Variants in DGKB observed in about 807,000 individuals in gnomAD.
DGKB encodes the protein diacylglycerol kinase beta, also known as 90 kDa diacylglycerol kinase.
In DGKB, 67 loss-of-function variants were observed where a neutral mutation model predicts 114.3. The ratio of observed to expected loss-of-function variants is 0.59; its 90% CI spans 0.48 to 0.72. DGKB has a LOEUF of 0.72. Ranked by LOEUF, DGKB falls within the 30% of genes least tolerant of loss-of-function variation. DGKB has a pLI of 0.00. For synonymous variants in DGKB, 398 were observed against 323.1 expected (o/e 1.23, Z -2.49); for missense variants, 907 against 975.2 (o/e 0.93, Z 0.93).
At chr7:14,668,443 A>G (rs375914782) in intron 13 of DGKB, among the ~76,000 whole-genome samples, 6 of 152,078 alleles carry the variant, frequency 3.9e-5, no homozygotes, top group Non-Finnish European at 7.4e-5. Flanking sequence ...AGTGATAACC[A>G]CTCGGGCTCC....
intron 23 of DGKB, among the ~76,000 whole-genome samples, chr7:14,212,670 A>G (rs1788314249): frequency 6.6e-6 from 1 of 152,106 alleles, no homozygotes; most frequent in Non-Finnish European, 1.5e-5. Flanking sequence ...TCAGTTTCCT[A>G]AACTTCAAGC....
chr7:14,808,178 G>A (rs1263817146), intron 2 of DGKB, among the ~76,000 whole-genome samples: 2 of 152,026 alleles, frequency 1.3e-5, no homozygotes, highest in Non-Finnish European at 2.9e-5. Flanking sequence ...TTTTGTAAGT[G>A]ATGTTTATAT....
intron 21 of DGKB, among the ~76,000 whole-genome samples, chr7:14,409,248 G>A (rs1379719564): frequency 1.3e-5 from 2 of 152,042 alleles, no homozygotes; most frequent in African/African-American, 4.8e-5. Context: ...CCTTTCTCTA[G>A]TAAATTCCGT....
rs183042736 is a variant in DGKB, at chr7:14,327,741, G to C, written c.2122+10774C>G. Among the ~76,000 whole-genome samples, 9 of 152,130 alleles carry C rather than the reference G, an allele frequency of 5.9e-5. No homozygotes were observed. In the East Asian group the frequency reaches 1.7e-3, roughly 29 times the overall value. ...CTGATACTGCACTCGTGGTGAGCTG[G>C]CCAGAGTGAGGTTGTGAAAAAAAGA... is the stretch of plus-strand genomic sequence containing the variant. On this transcript the variant is annotated intron_variant, in intron 23 of 25. Coordinates refer to ENST00000402815, the MANE Select transcript of DGKB (RefSeq NM_001350709.2).
chr7:14,931,788 C>T (rs1372469532), intron 1 of DGKB, among the ~76,000 whole-genome samples: 1 of 151,892 alleles, frequency 6.6e-6, no homozygotes, highest in Admixed American at 6.6e-5. Context: ...CACCACCTGG[C>T]TCAAGACTAA....
intron 2 of DGKB, among the ~76,000 whole-genome samples, chr7:14,790,530 G>A (rs943739414): frequency 2.0e-5 from 3 of 151,846 alleles, no homozygotes; most frequent in African/African-American, 7.3e-5. Context: ...TTTATTTAAT[G>A]GATGTTCAAT....
chr7:14,546,470 C>T (rs1290335329), intron 20 of DGKB, among the ~76,000 whole-genome samples: 5 of 152,162 alleles, frequency 3.3e-5, no homozygotes, highest in African/African-American at 4.8e-5. Context: ...GCTTCATGGG[C>T]ATGGAACTGG....
At chr7:14,565,871 T>G (rs1314948765) in intron 20 of DGKB, among the ~76,000 whole-genome samples, 1 of 152,146 alleles carries the variant, frequency 6.6e-6, no homozygotes, top group Non-Finnish European at 1.5e-5. Context: ...TATAGTAATT[T>G]TTTTAAAAAC....
intron 23 of DGKB, among the ~76,000 whole-genome samples, chr7:14,311,738 T>G (rs2128506959): frequency 1.3e-5 from 2 of 152,344 alleles, no homozygotes; most frequent in Admixed American, 1.3e-4. Flanking sequence ...TTTTTTAATC[T>G]TTATTGATTT....
At chr7:14,893,365 C>A (rs146220630) in intron 1 of DGKB, among the ~76,000 whole-genome samples, 1 of 151,400 alleles carries the variant, frequency 6.6e-6, no homozygotes. Context: ...TTTTCCTGGT[C>A]TTTAGAACAT....
intron 1 of DGKB, among the ~76,000 whole-genome samples, chr7:14,957,164 C>A (rs186494032): frequency 5.9e-5 from 9 of 151,938 alleles, no homozygotes; most frequent in Admixed American, 5.9e-4. Flanking sequence ...CATAAAAAAT[C>A]TTTAAAATGC....
rs571589892 is a variant in DGKB at position 14,331,396 on chromosome 7, G to A, written c.2122+7119C>T. Among the ~76,000 whole-genome samples the A allele has an allele frequency of 4.6e-5, 7 of 151,806 alleles. No homozygotes were observed. In the South Asian group the frequency reaches 8.3e-4, roughly 18 times the overall value. On this transcript the variant is annotated intron_variant, in intron 23 of 25. Coordinates refer to ENST00000402815, the MANE Select transcript of DGKB (RefSeq NM_001350709.2). ...ATGCTTGGAAATTCTTCTGCTTGCC[G>A]GTGTTTGAACGCCAAATACATCATC...
At chr7:14,538,855 A>G (rs1792964968) in intron 20 of DGKB, among the ~76,000 whole-genome samples, 1 of 152,250 alleles carries the variant, frequency 6.6e-6, no homozygotes, top group East Asian at 1.9e-4. Context: ...TGGACATTAT[A>G]CTAAGTGAAA....
chr7:14,217,218 G>A lies in DGKB; in HGVS notation c.2123-39067C>T, dbSNP rs552870160. Among the ~76,000 whole-genome samples, 221 of 144,018 alleles carry A rather than the reference G, an allele frequency of 1.5e-3. 1 individual carries two copies. The highest frequency in any genetic ancestry group is 5.3e-3 in the African/African-American group (213 of 40,494). 94.5% of individuals were successfully genotyped at this position (144,018 alleles called of 152,430 possible). On this transcript the variant is annotated intron_variant, in intron 23 of 25. Transcript: ENST00000402815. Reference sequence around the variant, plus strand: ...CCTATTTATTTATTAAAATTTTAAAGTGAGAATAATTCAGTTTTATCTATA... The same window carrying A: ...CCTATTTATTTATTAAAATTTTAAAATGAGAATAATTCAGTTTTATCTATA...
intron 23 of DGKB, among the ~76,000 whole-genome samples, chr7:14,223,502 T>A (rs1790314346): frequency 6.6e-6 from 1 of 151,790 alleles, no homozygotes; most frequent in African/African-American, 2.4e-5. Flanking sequence ...TAATTTTGTA[T>A]CTTTTACTGA....
intron 4 of DGKB, among the ~76,000 whole-genome samples, chr7:14,747,181 C>T (rs1833412306): frequency 2.1e-5 from 3 of 144,784 alleles, no homozygotes; most frequent in South Asian, 4.3e-4. Context: ...TGGGAAAACA[C>T]AAACCTCTTT....
intron 23 of DGKB, among the ~76,000 whole-genome samples, chr7:14,216,166 A>G (rs1788929406): frequency 6.6e-6 from 1 of 152,160 alleles, no homozygotes; most frequent in Non-Finnish European, 1.5e-5. Flanking sequence ...TGAACACGTT[A>G]TGAAATAGAA....
intron 20 of DGKB, among the ~76,000 whole-genome samples, chr7:14,542,022 G>T (rs565702172): frequency 1.3e-5 from 2 of 151,944 alleles, no homozygotes; most frequent in African/African-American, 2.4e-5. Context: ...CTTCATTTTT[G>T]TCAAATGTAA....
chr7:14,318,313 G>C (rs1373227849), intron 23 of DGKB, among the ~76,000 whole-genome samples: 1 of 148,980 alleles, frequency 6.7e-6, no homozygotes, highest in Non-Finnish European at 1.5e-5. Context: ...AAGAGCTTCT[G>C]CACAGCAAAA....
Sources: allele counts gnomAD v4.1 joint callset (sites outside exome capture counted in the v4.1 genomes callset), GRCh38; gene constraint gnomAD v4.1.1; transcripts MANE v1.5; gene names NCBI Gene and HGNC (gene_info 2026-07-23, HGNC 2026-07-21).